TRIB1: variants seen among roughly 807,000 people sequenced by gnomAD.
The protein encoded by TRIB1 is tribbles pseudokinase 1.
A neutral mutation model predicts 27.8 loss-of-function variants in TRIB1; 12 were observed. That is an observed-to-expected ratio of 0.43 (90% CI 0.28 to 0.70). The LOEUF (loss-of-function observed/expected upper bound fraction) is 0.70. TRIB1 is among the 30% of genes least tolerant of loss of function. TRIB1 has a pLI of 0.18. For synonymous variants in TRIB1, 230 were observed against 224.9 expected, an observed-to-expected ratio of 1.02 and a Z score of -0.20; for missense variants, 475 against 515.8, an observed-to-expected ratio of 0.92 and a Z score of 0.77.
Position 125,433,826 on chromosome 8 carries a change from G to C in TRIB1, c.653+217G>C. 1.8e-6 allele frequency: 1 copy of C among 553,248 alleles called. No individual in the cohort carries two copies. The highest frequency in any genetic ancestry group is 4.8e-4 in the Middle Eastern group (1 of 2,080). 34.3% of individuals were successfully genotyped at this position (553,248 alleles called of 1,614,324 possible). On this transcript the variant is annotated intron_variant, in intron 2 of 2. Transcript: ENST00000311922. This position sits in a 1 kb window ranked among gnomAD's most constrained non-coding sequence, Gnocchi z 4.4. ...CTGGGGACACCGTGGCGCTTCTATG[G>C]GATGGCAAGTGTTGACAGGGTGCTC...
Position 125,430,901 on chromosome 8 carries a change from G to T in TRIB1, c.-2G>T, listed in dbSNP as rs1422655094. The T allele has an allele frequency of 1.4e-6, 2 of 1,432,714 alleles. No homozygotes were observed. Among genetic ancestry groups the T allele is most frequent in the African/African-American group, 3.0e-5 (2 of 66,576 alleles). The allele number at this position is 1,432,714 out of a possible 1,614,324, so 88.8% of individuals were successfully genotyped here. On this transcript the variant is annotated 5_prime_UTR_variant, in exon 1 of 3. Coordinates refer to ENST00000311922, the MANE Select transcript of TRIB1 (RefSeq NM_025195.4). ...GCCGGGGCCACCCCGGCCCAGGACGGGATGCGGGTCGGTCCGGTGCGCTCT... is the reference window on the plus strand; with the variant it reads ...GCCGGGGCCACCCCGGCCCAGGACGTGATGCGGGTCGGTCCGGTGCGCTCT...
chr8:125,433,943 A>G lies in TRIB1; in HGVS notation c.653+334A>G, dbSNP rs990282823. 3.3e-5 allele frequency among the ~76,000 whole-genome samples: 5 copies of G among 152,172 alleles called. No homozygotes were observed. In the East Asian group the frequency reaches 7.7e-4, roughly 23 times the overall value. ...CAAATATTAAACTGCCCTTTACGAT[A>G]TTGCCTTCTGAAGGAAGTGTTCAAA... is the stretch of plus-strand genomic sequence containing the variant. On this transcript the variant is annotated intron_variant, in intron 2 of 2. Transcript: ENST00000311922. This position sits in a 1 kb window ranked among gnomAD's most constrained non-coding sequence, Gnocchi z 4.4.
chr8:125,435,631 C>T (rs1168926690), intron 2 of TRIB1, among the ~76,000 whole-genome samples: 1 of 152,192 alleles, frequency 6.6e-6, no homozygotes, highest in Non-Finnish European at 1.5e-5. Flanking sequence ...ATATGCTGCT[C>T]TTCCCTGCTA....
At position 125,436,606 on chromosome 8, in the gene TRIB1, C is replaced by CG. The variant is rs756175087; in HGVS notation, c.*135_*136insG. The CG allele has an allele frequency of 4.4e-5, 34 of 770,370 alleles. No individual in the cohort carries two copies. The highest frequency in any genetic ancestry group is 6.4e-5 in the Non-Finnish European group (31 of 483,184). 47.7% of individuals were successfully genotyped at this position (770,370 alleles called of 1,614,324 possible). On this transcript the variant is annotated 3_prime_UTR_variant, in exon 3 of 3. Transcript: ENST00000311922. ...AAAGCTGCTGAACTCGGCATGGCGCCTCCTCTTCTCTGTTGGGATGAGTGA... is the reference window on the plus strand; with the variant it reads ...AAAGCTGCTGAACTCGGCATGGCGCCGTCCTCTTCTCTGTTGGGATGAGTGA...
rs1842478881 is a variant in TRIB1, at chr8:125,433,783, C to T, written c.653+174C>T. On this transcript the variant is annotated intron_variant, in intron 2 of 2. Transcript: ENST00000311922. The surrounding 1 kb of genome is among the most constrained non-coding windows in gnomAD (Gnocchi z 4.4). The stretch of plus-strand genomic sequence containing the variant: ...TCACAGCCAAGGTTGGTTTATTCTG[C>T]ATTCTCTTGGACGGGGCCTGGGGAC... The T allele has an allele frequency of 1.3e-6, 1 of 761,994 alleles. No homozygotes were observed. Among genetic ancestry groups the T allele is most frequent in the South Asian group, 1.9e-5 (1 of 52,608 alleles). 47.2% of individuals were successfully genotyped at this position (761,994 alleles called of 1,614,324 possible).
chr8:125,436,158 G>T lies in TRIB1; in HGVS notation c.806G>T (p.Ser269Ile). Residue 269 changes from serine to isoleucine, a missense_variant, in exon 3 of 3, where the codon AGC (serine) becomes ATC (isoleucine). Ser to Ile is a moderately radical substitution (Grantham distance 142). Coordinates refer to ENST00000311922, the MANE Select transcript of TRIB1 (RefSeq NM_025195.4). Reference protein sequence around the residue: ...TYSGKAADVWSLGVMLYTLLV... With the variant: ...TYSGKAADVWILGVMLYTLLV... The stretch of plus-strand genomic sequence containing the variant: ...TCCGGAAAGGCTGCGGACGTTTGGA[G>T]CCTGGGGGTGATGCTCTACACCCTT... 1 of 1,614,074 alleles carries T rather than the reference G, an allele frequency of 6.2e-7. No individual in the cohort carries two copies. The highest frequency in any genetic ancestry group is 8.5e-7 in the Non-Finnish European group (1 of 1,179,996).
rs1047143776 is a variant in TRIB1, at chr8:125,431,012, C to A, written c.110C>A (p.Ala37Asp). ...RGVPAKRLLD[A>D]DDAAAVAAKC... The stretch of plus-strand genomic sequence containing the variant: ...GTCCCGGCCAAACGCCTGCTGGACG[C>A]CGACGACGCGGCGGCTGTGGCGGCC... The change falls in exon 1 of 3, where the codon GCC (alanine) becomes GAC (aspartate). Residue 37 changes from alanine (A) to aspartate (D), a missense_variant. By Grantham distance (126) the Ala-to-Asp change is moderately radical (BLOSUM62 -2). Transcript: ENST00000311922. The A allele has an allele frequency of 4.1e-6, 6 of 1,464,738 alleles. No individual in the cohort carries two copies. The highest frequency in any genetic ancestry group is 4.5e-6 in the Non-Finnish European group (5 of 1,116,452). 90.7% of individuals were successfully genotyped at this position (1,464,738 alleles called of 1,614,324 possible). A position where few individuals can be genotyped will look rare whatever the true frequency, so the allele number is the denominator to read the frequency against.
chr8:125,434,026 CTG>C (rs943548367), intron 2 of TRIB1, among the ~76,000 whole-genome samples: 25 of 152,278 alleles, frequency 1.6e-4, no homozygotes, highest in African/African-American at 6.0e-4. Context: ...GCTAGTGAGA[CTG>C]TCATATATGC....
Position 125,436,393 on chromosome 8 carries a change from C to T in TRIB1, c.1041C>T (p.Ile347=), listed in dbSNP as rs763649179. 1.4e-5 allele frequency: 22 copies of T among 1,613,766 alleles called. No individual in the cohort carries two copies. The South Asian group carries it at 1.4e-4, about 10-fold the overall frequency. Residue 347 remains isoleucine, a synonymous_variant, in exon 3 of 3, where the codon ATC becomes ATT. Coordinates refer to ENST00000311922, the MANE Select transcript of TRIB1 (RefSeq NM_025195.4). ...AGTCCGTCTTGGAACCCGGGTACATCGACTCAGAAATAGGAACTTCAGACC... is the reference window on the plus strand; with the variant it reads ...AGTCCGTCTTGGAACCCGGGTACATTGACTCAGAAATAGGAACTTCAGACC... ...WFESVLEPGY[I]DSEIGTSDQI... is the part of the protein sequence containing the mutation.
intron 2 of TRIB1, among the ~76,000 whole-genome samples, chr8:125,434,720 A>C (rs890106735): frequency 6.6e-6 from 1 of 152,240 alleles, no homozygotes; most frequent in African/African-American, 2.4e-5. Flanking sequence ...CCGGGGGTTA[A>C]GCAATGTCAG....
intron 2 of TRIB1, among the ~76,000 whole-genome samples, chr8:125,435,365 GCAGTTAAACACCCCAA>G (rs1449232261): frequency 6.6e-6 from 1 of 152,104 alleles, no homozygotes; most frequent in Non-Finnish European, 1.5e-5. Flanking sequence ...AGTGTTCTTT[GCAGTTAAACACCCCAA>G]TAAATGTAAT....
rs1448427521 is a variant in TRIB1 at position 125,436,306 on chromosome 8, C to T, written c.954C>T (p.Leu318=). The T allele has an allele frequency of 2.5e-6, 4 of 1,614,100 alleles. No individual in the cohort carries two copies. Among genetic ancestry groups the T allele is most frequent in the East Asian group, 2.2e-5 (1 of 44,882 alleles). The part of the protein sequence containing the change: ...SPKARCLIRS[L]LRREPSERLT... ...AAGCCAGGTGCCTCATTCGCAGCCT[C>T]TTGAGACGGGAGCCCTCCGAGAGAC... The change falls in exon 3 of 3, where the codon CTC becomes CTT. Residue 318 remains leucine (L), a synonymous_variant. Coordinates refer to ENST00000311922, the MANE Select transcript of TRIB1 (RefSeq NM_025195.4).
chr8:125,433,292 A>T lies in TRIB1; in HGVS notation c.361-25A>T, dbSNP rs1437106791. 6.2e-7 allele frequency: 1 copy of T among 1,600,180 alleles called. No homozygotes were observed. The highest frequency in any genetic ancestry group is 2.2e-5 in the East Asian group (1 of 44,550). Reference sequence around the variant, plus strand: ...GCTGCCTTTGCTTTTCTAGCCCCCTAAACGGGCCCCCCTTCTCTCTACAGG... The same window carrying T: ...GCTGCCTTTGCTTTTCTAGCCCCCTTAACGGGCCCCCCTTCTCTCTACAGG... On this transcript the variant is annotated intron_variant, in intron 1 of 2. Coordinates refer to ENST00000311922, the MANE Select transcript of TRIB1 (RefSeq NM_025195.4). This position sits in a 1 kb window ranked among gnomAD's most constrained non-coding sequence, Gnocchi z 4.4.
In TRIB1 at chr8:125,436,124, G is replaced by A. The variant is rs767708343; in HGVS notation, c.772G>A (p.Gly258Arg). 2 of 1,614,182 alleles carry A rather than the reference G, an allele frequency of 1.2e-6. No homozygotes were observed. Among genetic ancestry groups the A allele is most frequent in the Non-Finnish European group, 1.7e-6 (2 of 1,180,026 alleles). ...GAGCCCTGAGATCCTCAACACCACT[G>A]GGACCTACTCCGGAAAGGCTGCGGA... ...YVSPEILNTT[G>R]TYSGKAADVW... Residue 258 changes from glycine (G) to arginine (R), a missense_variant, in exon 3 of 3, where the codon GGG becomes AGG. Coordinates refer to ENST00000311922, the MANE Select transcript of TRIB1 (RefSeq NM_025195.4).
intron 2 of TRIB1, 22 bp from the exon 3 acceptor site, chr8:125,435,984 G>A: frequency 6.3e-7 from 1 of 1,592,540 alleles, no homozygotes; most frequent in Non-Finnish European, 8.6e-7. Flanking sequence ...GGAAATAATG[G>A]CTTGGTTCCT....
Position 125,433,801 on chromosome 8 carries a change from C to G in TRIB1, c.653+192C>G. ...TATTCTGCATTCTCTTGGACGGGGC[C>G]TGGGGACACCGTGGCGCTTCTATGG... On this transcript the variant is annotated intron_variant, in intron 2 of 2. Coordinates refer to ENST00000311922, the MANE Select transcript of TRIB1 (RefSeq NM_025195.4). The surrounding 1 kb of genome is among the most constrained non-coding windows in gnomAD (Gnocchi z 4.4). 1 of 632,534 alleles carries G rather than the reference C, an allele frequency of 1.6e-6. No individual in the cohort carries two copies. Among genetic ancestry groups the G allele is most frequent in the Non-Finnish European group, 2.7e-6 (1 of 374,720 alleles). The allele number at this position is 632,534 out of a possible 1,614,324, so 39.2% of individuals were successfully genotyped here. A position where few individuals can be genotyped will look rare whatever the true frequency, so the allele number is the denominator to read the frequency against.
chr8:125,432,338 G>T, intron 1 of TRIB1: 1 of 867,126 alleles, frequency 1.2e-6, no homozygotes, highest in Non-Finnish European at 1.4e-6. Context: ...TGTGTGTGTG[G>T]TGGGATGGGA....
In TRIB1 at chr8:125,438,272, C is replaced by T. The variant is rs529150647; in HGVS notation, c.*1801C>T. 2.0e-5 allele frequency: 3 copies of T among 152,774 alleles called. No individual in the cohort carries two copies. Among genetic ancestry groups the T allele is most frequent in the Admixed American group, 2.0e-4 (3 of 15,304 alleles). The allele number at this position is 152,774 out of a possible 1,614,324, so 9.5% of individuals were successfully genotyped here. ...GTGATACATTATCCGACTAAGGACT[C>T]TGGGCTGGCAGGGCCTTCTGCCGGG... On this transcript the variant is annotated 3_prime_UTR_variant, in exon 3 of 3. Coordinates refer to ENST00000311922, the MANE Select transcript of TRIB1 (RefSeq NM_025195.4).
At chr8:125,431,415 T>C (rs1814654591) in intron 1 of TRIB1, among the ~76,000 whole-genome samples, 153 bp downstream of exon 1, 2 of 152,148 alleles carry the variant, frequency 1.3e-5, no homozygotes, top group Admixed American at 1.3e-4. Context: ...GGTTCACGTT[T>C]TTGTGGATCG....
Sources: allele counts gnomAD v4.1 joint callset (sites outside exome capture counted in the v4.1 genomes callset), GRCh38; gene constraint gnomAD v4.1.1; non-coding constraint Gnocchi (gnomAD v3.1); transcripts MANE v1.5; gene names NCBI Gene and HGNC (gene_info 2026-07-23, HGNC 2026-07-21).